Variants in LGSN observed in about 807,000 individuals in gnomAD.
LGSN encodes lengsin.
Under a neutral mutation model 19.5 loss-of-function variants are expected in LGSN, and 21 were observed. The observed-to-expected ratio is 1.07, with a 90% CI of 0.76 to 1.55. LGSN has a LOEUF of 1.55. Ranked by LOEUF, LGSN falls within the 40% of genes most tolerant of loss-of-function variation. The probability of loss-of-function intolerance (pLI) is 0.00; values close to 1 mark genes in which losing one functional copy is unlikely to be tolerated. For missense variants in LGSN, 673 were observed against 608.5 expected, an observed-to-expected ratio of 1.11 and a Z score of -1.12; for synonymous variants, 257 against 215.6, an observed-to-expected ratio of 1.19 and a Z score of -1.68.
At chr6:63,303,973 C>T (rs1324945459) in intron 1 of LGSN, among the ~76,000 whole-genome samples, 31 of 152,208 alleles carry the variant, frequency 2.0e-4, no homozygotes, top group Admixed American at 2.0e-3. Flanking sequence ...ACTTCTCTTC[C>T]ATCGTGAGAT....
the LGSN span, among the ~76,000 whole-genome samples, chr6:63,370,636 C>A: frequency 1.3e-5 from 2 of 152,182 alleles, no homozygotes; most frequent in Non-Finnish European, 2.9e-5. Flanking sequence ...AAGATGCTCT[C>A]CTCACCCAGA....
At chr6:63,414,873 CCA>C in the LGSN span, among the ~76,000 whole-genome samples, 240 of 151,796 alleles carry the variant, frequency 1.6e-3, 1 homozygote, top group African/African-American at 5.3e-3. Context: ...CAAGGTTATG[CCA>C]CTACACTCCA....
At chr6:63,568,163 A>G in the LGSN span, among the ~76,000 whole-genome samples, 23 of 152,324 alleles carry the variant, frequency 1.5e-4, no homozygotes, top group African/African-American at 5.3e-4. Context: ...ACTTCCTTCA[A>G]GAGCTTTTCC....
the LGSN span, among the ~76,000 whole-genome samples, chr6:63,526,803 G>GTATATATATATATATATATATATATA: frequency 5.9e-5 from 6 of 101,440 alleles, no homozygotes; most frequent in African/African-American, 2.6e-4. Context: ...TCTCAAAAAT[G>GTATATATATATATATATATATATATA]TATATATATA....
the LGSN span, among the ~76,000 whole-genome samples, chr6:63,440,510 C>T: frequency 6.6e-6 from 1 of 152,204 alleles, no homozygotes; most frequent in Admixed American, 6.5e-5. Context: ...GGTTTTTCTA[C>T]AATAGTATCA....
At chr6:63,369,952 AG>A in the LGSN span, among the ~76,000 whole-genome samples, 1 of 152,146 alleles carries the variant, frequency 6.6e-6, no homozygotes, top group Admixed American at 6.5e-5. Context: ...CAGTTAGCCA[AG>A]ATCAGGCCAC....
the LGSN span, among the ~76,000 whole-genome samples, chr6:63,346,590 A>T: frequency 6.6e-6 from 1 of 152,080 alleles, no homozygotes; most frequent in African/African-American, 2.4e-5. Flanking sequence ...CCACTCTAGT[A>T]AATGATTAAA....
the LGSN span, among the ~76,000 whole-genome samples, chr6:63,564,492 TCAA>T: frequency 6.6e-6 from 1 of 152,190 alleles, no homozygotes; most frequent in Admixed American, 6.5e-5. Flanking sequence ...AGGAAATTGT[TCAA>T]CAACATTTCT....
chr6:63,410,367 T>A, the LGSN span, among the ~76,000 whole-genome samples: 3 of 152,324 alleles, frequency 2.0e-5, no homozygotes, highest in Admixed American at 1.3e-4. Flanking sequence ...TATAATATTA[T>A]AAAATTGAGT....
At chr6:63,413,345 A>G in the LGSN span, among the ~76,000 whole-genome samples, 1 of 152,148 alleles carries the variant, frequency 6.6e-6, no homozygotes, top group Non-Finnish European at 1.5e-5. Context: ...AATTTATAAA[A>G]CTTTTCTTCT....
At chr6:63,312,391 G>T (rs1317902235) in intron 1 of LGSN, among the ~76,000 whole-genome samples, 1 of 152,146 alleles carries the variant, frequency 6.6e-6, no homozygotes, top group Non-Finnish European at 1.5e-5. Context: ...TCCAATGAAA[G>T]TAGAATCCTT....
the LGSN span, among the ~76,000 whole-genome samples, chr6:63,417,951 A>G: frequency 6.6e-6 from 1 of 152,222 alleles, no homozygotes; most frequent in African/African-American, 2.4e-5. Context: ...ACAGCAGAAT[A>G]ATGTTTAGAG....
At chr6:63,373,244 A>G in the LGSN span, among the ~76,000 whole-genome samples, 3 of 152,180 alleles carry the variant, frequency 2.0e-5, no homozygotes, top group African/African-American at 7.2e-5. Flanking sequence ...GAAAAGAAAA[A>G]AGATATTTAA....
chr6:63,497,956 C>T, the LGSN span, among the ~76,000 whole-genome samples: 72,931 of 140,742 alleles, frequency 0.52, 20,639 homozygotes, highest in African/African-American at 0.76. Context: ...TTTGCTCTTG[C>T]TGCCAAGGCT....
chr6:63,310,462 G>T (rs1300955397), intron 1 of LGSN, among the ~76,000 whole-genome samples: 1 of 151,766 alleles, frequency 6.6e-6, no homozygotes, highest in Admixed American at 6.6e-5. Flanking sequence ...ATTTTTTGTG[G>T]TGAAAACACT....
the LGSN span, among the ~76,000 whole-genome samples, chr6:63,524,603 A>G: frequency 3.3e-5 from 5 of 152,216 alleles, no homozygotes; most frequent in Non-Finnish European, 5.9e-5. Context: ...ATGTAAAAAT[A>G]AAATTATCCA....
the LGSN span, among the ~76,000 whole-genome samples, chr6:63,478,480 C>T: frequency 1.8e-5 from 2 of 109,544 alleles, no homozygotes; most frequent in East Asian, 2.7e-4. Flanking sequence ...GGCCCTAGGA[C>T]GTTCTGAAAA....
At chr6:63,492,262 G>T in the LGSN span, among the ~76,000 whole-genome samples, 9 of 152,142 alleles carry the variant, frequency 5.9e-5, no homozygotes, top group African/African-American at 2.2e-4. Context: ...AGGCTAATAA[G>T]TTCAAAGTGG....
chr6:63,526,521 A>AT, the LGSN span, among the ~76,000 whole-genome samples: 2 of 151,742 alleles, frequency 1.3e-5, no homozygotes, highest in Non-Finnish European at 2.9e-5. Flanking sequence ...TTTTAAAAAG[A>AT]TTTTTAGGCC....
Sources: allele counts gnomAD v4.1 joint callset (sites outside exome capture counted in the v4.1 genomes callset), GRCh38; gene constraint gnomAD v4.1.1; transcripts MANE v1.5; gene names NCBI Gene and HGNC (gene_info 2026-07-23, HGNC 2026-07-21).